ITPKB: variants seen among roughly 807,000 people sequenced by gnomAD.
ITPKB encodes the protein inositol-trisphosphate 3-kinase B, also known as IP3 3-kinase B.
In ITPKB, 13 loss-of-function variants were observed where a neutral mutation model predicts 69.4. The ratio of observed to expected loss-of-function variants is 0.19; its 90% confidence interval spans 0.12 to 0.30. The LOEUF (loss-of-function observed/expected upper bound fraction) is 0.30, where lower values mean the gene tolerates loss of function less well. Among genes scored for constraint, ITPKB ranks in the 10% least tolerant of loss-of-function variants. The pLI is 1.00. For synonymous variants in ITPKB, 584 were observed against 513.7 expected, an observed-to-expected ratio of 1.14 and a Z score of -1.85; for missense variants, 1,240 against 1,250.5, an observed-to-expected ratio of 0.99 and a Z score of 0.13.
intron 2 of ITPKB, among the ~76,000 whole-genome samples, chr1:226,709,427 G>A (rs1030237841): frequency 6.6e-6 from 1 of 152,168 alleles, no homozygotes. Flanking sequence ...GATGGGTCTA[G>A]GAATGTCTGA....
chr1:226,649,435 A>ATGTGTGCGTG (rs1465574576), intron 2 of ITPKB, among the ~76,000 whole-genome samples: 1 of 104,198 alleles, frequency 9.6e-6, no homozygotes, highest in Non-Finnish European at 1.9e-5. Context: ...GTGTGTGCGT[A>ATGTGTGCGTG]TGTGTGCGTG....
chr1:226,713,930 C>T (rs1657034653), intron 2 of ITPKB, among the ~76,000 whole-genome samples: 1 of 152,154 alleles, frequency 6.6e-6, no homozygotes. Context: ...TGACCTGGTC[C>T]CACAAGGACT....
At chr1:226,716,309 G>C (rs1205469159) in intron 2 of ITPKB, among the ~76,000 whole-genome samples, 1 of 152,128 alleles carries the variant, frequency 6.6e-6, no homozygotes. Context: ...TCTACCCAGA[G>C]AATTTCTGTT....
At chr1:226,715,466 C>T (rs755969800) in intron 2 of ITPKB, among the ~76,000 whole-genome samples, 2 of 152,208 alleles carry the variant, frequency 1.3e-5, no homozygotes, top group Non-Finnish European at 2.9e-5. Context: ...ATTTAAGAAA[C>T]CAGAAGATCA....
intron 2 of ITPKB, among the ~76,000 whole-genome samples, chr1:226,724,939 A>C (rs937469562): frequency 6.6e-5 from 10 of 152,200 alleles, no homozygotes; most frequent in Non-Finnish European, 7.4e-5. Flanking sequence ...CTCTGGATCC[A>C]GAACAGTCTC....
chr1:226,664,532 G>A (rs536018828), intron 2 of ITPKB, among the ~76,000 whole-genome samples: 7 of 152,314 alleles, frequency 4.6e-5, no homozygotes, highest in African/African-American at 1.4e-4. Context: ...CAATGACCAC[G>A]GCCTCTTGCA....
At position 226,738,954 on chromosome 1, in the gene ITPKB, G is replaced by A; in HGVS notation, c.-206+87C>T. On this transcript the variant is annotated intron_variant, in intron 1 of 7. Transcript: ENST00000429204. This position sits in a 1 kb window ranked among gnomAD's most constrained non-coding sequence, Gnocchi z 4.2. ...ACCCCTTTGCCCTGTTTCGGAACCA[G>A]GAACGCCGAGATTCGCTCCAGAGCA... 6.6e-6 allele frequency: 1 copy of A among 152,232 alleles called. No individual in the cohort carries two copies. The highest frequency in any genetic ancestry group is 6.5e-5 in the Admixed American group (1 of 15,278). The allele number at this position is 152,232 out of a possible 1,614,324, so 9.4% of individuals were successfully genotyped here.
chr1:226,718,384 G>A (rs1450021234), intron 2 of ITPKB, among the ~76,000 whole-genome samples: 2 of 151,940 alleles, frequency 1.3e-5, no homozygotes, highest in Non-Finnish European at 2.9e-5. Context: ...TGGGAGGCCA[G>A]GAGACTTGAG....
chr1:226,730,956 T>C (rs1657572849), intron 2 of ITPKB, among the ~76,000 whole-genome samples: 1 of 152,262 alleles, frequency 6.6e-6, no homozygotes, highest in Admixed American at 6.5e-5. Flanking sequence ...GGTTTAATGT[T>C]TTCTTGTAGT....
Position 226,733,829 on chromosome 1 carries a change from G to GATC in ITPKB, c.1932+1695_1932+1697dup, listed in dbSNP as rs912386304. On this transcript the variant is annotated intron_variant, in intron 2 of 7. Coordinates refer to ENST00000429204, the MANE Select transcript of ITPKB (RefSeq NM_002221.4). ...GAAAAAAAAGTCACCTGTCGTTATT[G>GATC]ATCTCCCTGTTAATTCTCTTCTAGA... is the stretch of plus-strand genomic sequence containing the variant. Among the ~76,000 whole-genome samples, 150 of 152,102 alleles carry GATC rather than the reference G, an allele frequency of 9.9e-4. 1 individual carries two copies. Among genetic ancestry groups the GATC allele is most frequent in the Non-Finnish European group, 1.9e-3 (129 of 67,998 alleles).
chr1:226,727,283 A>C lies in ITPKB; in HGVS notation c.1932+8244T>G, dbSNP rs76077595. On this transcript the variant is annotated intron_variant, in intron 2 of 7. Coordinates refer to ENST00000429204, the MANE Select transcript of ITPKB (RefSeq NM_002221.4). ...CACAGGAGATCCTGCTGAATTACAC[A>C]GTCAGTCATCAATTGCCATAGAGAA... Among the ~76,000 whole-genome samples, 92 of 152,344 alleles carry C rather than the reference A, an allele frequency of 6.0e-4. 2 individuals carry two copies. In the East Asian group the frequency reaches 0.012, roughly 19 times the overall value.
intron 2 of ITPKB, among the ~76,000 whole-genome samples, chr1:226,682,710 G>T (rs1157898501): frequency 6.6e-6 from 1 of 152,184 alleles, no homozygotes; most frequent in Non-Finnish European, 1.5e-5. Context: ...CTTCAGAGGG[G>T]ACCCCTTTAG....
In ITPKB at chr1:226,652,768, T is replaced by C. The variant is rs3768374; in HGVS notation, c.1933-3997A>G. Among the ~76,000 whole-genome samples, 96 of 152,226 alleles carry C rather than the reference T, an allele frequency of 6.3e-4. 1 individual carries two copies. In the East Asian group the frequency reaches 0.017, roughly 27 times the overall value. On this transcript the variant is annotated intron_variant, in intron 2 of 7. Transcript: ENST00000429204. Reference sequence around the variant, plus strand: ...CATCCCTTGTGGACACCTCCCGGAGTGCTCCCAAAGCTCCCTATGTGTGGC... The same window carrying C: ...CATCCCTTGTGGACACCTCCCGGAGCGCTCCCAAAGCTCCCTATGTGTGGC...
chr1:226,633,013 C>T lies in ITPKB; in HGVS notation c.*1658G>A, dbSNP rs1236323548. On this transcript the variant is annotated 3_prime_UTR_variant, in exon 8 of 8. Coordinates refer to ENST00000429204, the MANE Select transcript of ITPKB (RefSeq NM_002221.4). ...ATGCTGCCACGAGGTCTCTCGTGCT[C>T]CACCGGGCGCGTGTGTGACCTTTAG... 2 of 152,226 alleles carry T rather than the reference C, an allele frequency of 1.3e-5. No homozygotes were observed. Among genetic ancestry groups the T allele is most frequent in the Non-Finnish European group, 2.9e-5 (2 of 68,048 alleles). The allele number at this position is 152,226 out of a possible 1,614,324, so 9.4% of individuals were successfully genotyped here. A position where few individuals can be genotyped will look rare whatever the true frequency, so the allele number is the denominator to read the frequency against.
chr1:226,668,940 C>T (rs941738838), intron 2 of ITPKB: 6 of 152,168 alleles, frequency 3.9e-5, no homozygotes, highest in South Asian at 4.1e-4. Context: ...TAAGCATTAG[C>T]GTCATTAAAT....
chr1:226,663,785 C>T (rs911344282), intron 2 of ITPKB, among the ~76,000 whole-genome samples: 18 of 152,218 alleles, frequency 1.2e-4, no homozygotes, highest in African/African-American at 3.6e-4. Flanking sequence ...CCACCCCCCA[C>T]GGCCTCTCAA....
intron 2 of ITPKB, among the ~76,000 whole-genome samples, chr1:226,722,904 C>A (rs557401077): frequency 6.6e-6 from 1 of 152,328 alleles, no homozygotes; most frequent in Admixed American, 6.5e-5. Flanking sequence ...AAGATGCAAA[C>A]CCCCAGGGGT....
At chr1:226,681,704 A>G (rs1656097531) in intron 2 of ITPKB, among the ~76,000 whole-genome samples, 1 of 152,236 alleles carries the variant, frequency 6.6e-6, no homozygotes, top group Non-Finnish European at 1.5e-5. Context: ...CCCACCTGCA[A>G]CAACATTTAA....
At chr1:226,649,907 C>T (rs1248995378) in intron 2 of ITPKB, among the ~76,000 whole-genome samples, 3 of 151,280 alleles carry the variant, frequency 2.0e-5, no homozygotes, top group African/African-American at 7.3e-5. Flanking sequence ...TTAATAAGAA[C>T]AGGCTGCAGA....
Sources: allele counts gnomAD v4.1 joint callset (sites outside exome capture counted in the v4.1 genomes callset), GRCh38; gene constraint gnomAD v4.1.1; non-coding constraint Gnocchi (gnomAD v3.1); transcripts MANE v1.5; gene names NCBI Gene and HGNC (gene_info 2026-07-23, HGNC 2026-07-21).